ENO2: variants seen among roughly 807,000 people sequenced by gnomAD.
The protein encoded by ENO2 is gamma-enolase.
Under a neutral mutation model 48.7 loss-of-function variants are expected in ENO2, and 19 were observed. That is an observed-to-expected ratio of 0.39 (90% CI 0.27 to 0.57). ENO2 has a LOEUF of 0.57. Ranked by LOEUF, ENO2 falls within the 20% of genes least tolerant of loss-of-function variation. The pLI, the probability that ENO2 is intolerant of heterozygous loss-of-function variation, is 0.58. For missense variants in ENO2, 416 were observed against 555.0 expected, an observed-to-expected ratio of 0.75 and a Z score of 2.52; for synonymous variants, 198 against 213.4, an observed-to-expected ratio of 0.93 and a Z score of 0.63.
In ENO2 at chr12:6,915,901, T is replaced by G. The variant is rs1417304972; in HGVS notation, c.69T>G (p.Asp23Glu). Residue 23 changes from aspartate (D) to glutamate (E), a missense_variant, in exon 2 of 12, where the codon GAT (aspartate) becomes GAG (glutamate). By Grantham distance (45) the Asp-to-Glu change is conservative. Coordinates refer to ENST00000229277, the MANE Select transcript of ENO2 (RefSeq NM_001975.3). Reference protein sequence around the residue: ...DSRGNPTVEVDLYTAKGLFRA... With the variant: ...DSRGNPTVEVELYTAKGLFRA... ...GCGGGAACCCCACAGTGGAGGTGGA[T>G]CTCTATACTGCCAAAGGTAATGGGT... 1.2e-6 allele frequency: 2 copies of G among 1,613,728 alleles called. No individual in the cohort carries two copies. Among genetic ancestry groups the G allele is most frequent in the East Asian group, 4.5e-5 (2 of 44,866 alleles).
rs782242921 is a variant in ENO2, at chr12:6,921,700, G to A, written c.985G>A (p.Glu329Lys). The A allele has an allele frequency of 1.2e-6, 2 of 1,614,146 alleles. No homozygotes were observed. The highest frequency in any genetic ancestry group is 2.2e-5 in the South Asian group (2 of 91,082). The change falls in exon 9 of 12, where the codon GAG becomes AAG. Residue 329 changes from glutamate to lysine, a missense_variant. Coordinates refer to ENST00000229277, the MANE Select transcript of ENO2 (RefSeq NM_001975.3). ...DLTVTNPKRI[E>K]RAVEEKACNC... ...GACAGTGACCAACCCAAAACGTATTGAGCGGGCAGTGGAAGAAAAGGCCTG... is the reference window on the plus strand; with the variant it reads ...GACAGTGACCAACCCAAAACGTATTAAGCGGGCAGTGGAAGAAAAGGCCTG...
chr12:6,918,353 AT>A (rs111900701), intron 7 of ENO2, among the ~76,000 whole-genome samples, 191 bp downstream of exon 7: 10,739 of 141,264 alleles, frequency 0.076, 808 homozygotes, highest in East Asian at 0.22. Context: ...GGGGGACAGT[AT>A]TTTTTTTTTT....
At chr12:6,919,494 T>C in intron 7 of ENO2, 72 bp from the exon 8 acceptor site, 1 of 1,550,226 alleles carries the variant, frequency 6.5e-7, no homozygotes, top group South Asian at 1.2e-5. Context: ...GCCCTGAATG[T>C]CTTTTCTTTC....
rs1394056903 is a variant in ENO2 at position 6,916,159 on chromosome 12, T to G, written c.85+242T>G. On this transcript the variant is annotated intron_variant, in intron 2 of 11. Coordinates refer to ENST00000229277, the MANE Select transcript of ENO2 (RefSeq NM_001975.3). The surrounding 1 kb of genome is among the most constrained non-coding windows in gnomAD (Gnocchi z 4.5). ...GTGTGTCTGCCTGTGCACTTGCATG[T>G]GTGCAGACGTGTGCTGCAAGCAATT... Among the ~76,000 whole-genome samples the G allele has an allele frequency of 6.6e-6, 1 of 151,872 alleles. No homozygotes were observed. The highest frequency in any genetic ancestry group is 1.5e-5 in the Non-Finnish European group (1 of 67,952).
rs1555141943 is a variant in ENO2 at position 6,919,756 on chromosome 12, C to A, written c.858C>A (p.Asp286Glu). Reference protein sequence around the residue: ...LGALYQDFVRDYPVVSIEDPF... With the variant: ...LGALYQDFVREYPVVSIEDPF... Reference sequence around the variant, plus strand: ...CACTCTACCAGGACTTTGTCAGGGACTATCCTGGTGAGAGGAAGTGGTGTG... The same window carrying A: ...CACTCTACCAGGACTTTGTCAGGGAATATCCTGGTGAGAGGAAGTGGTGTG... Residue 286 changes from aspartate to glutamate, a missense_variant, in exon 8 of 12, where the codon GAC (aspartate) becomes GAA (glutamate). Transcript: ENST00000229277. 6.2e-7 allele frequency: 1 copy of A among 1,613,560 alleles called. No individual in the cohort carries two copies. The highest frequency in any genetic ancestry group is 8.5e-7 in the Non-Finnish European group (1 of 1,180,012).
chr12:6,919,682 A>G lies in ENO2; in HGVS notation c.784A>G (p.Lys262Glu). ...TGATGGCAAATATGACTTGGACTTC[A>G]AGTCTCCCACTGATCCTTCCCGATA... ...YRDGKYDLDF[K>E]SPTDPSRYIT... The change falls in exon 8 of 12, where the codon AAG becomes GAG. Residue 262 changes from lysine to glutamate, a missense_variant. Transcript: ENST00000229277. 4.3e-6 allele frequency: 7 copies of G among 1,614,080 alleles called. No individual in the cohort carries two copies. The highest frequency in any genetic ancestry group is 5.9e-6 in the Non-Finnish European group (7 of 1,180,018).
rs1437194523 is a variant in ENO2 at position 6,922,902 on chromosome 12, G to A, written c.*102G>A. ...ACCCCCTGAGATCCCCTGAGCCCCA[G>A]GGTGCCCAGAACTTCCCTGATTGAC... On this transcript the variant is annotated 3_prime_UTR_variant, in exon 12 of 12. Coordinates refer to ENST00000229277, the MANE Select transcript of ENO2 (RefSeq NM_001975.3). This position sits in a 1 kb window ranked among gnomAD's most constrained non-coding sequence, Gnocchi z 5.3. 1.7e-5 allele frequency: 24 copies of A among 1,390,954 alleles called. No homozygotes were observed. The highest frequency in any genetic ancestry group is 2.3e-5 in the Non-Finnish European group (23 of 990,936). The allele number at this position is 1,390,954 out of a possible 1,614,324, so 86.2% of individuals were successfully genotyped here.
chr12:6,916,932 C>T lies in ENO2; in HGVS notation c.241-106C>T. 6.5e-7 allele frequency: 1 copy of T among 1,526,720 alleles called. No individual in the cohort carries two copies. Among genetic ancestry groups the T allele is most frequent in the East Asian group, 2.2e-5 (1 of 44,472 alleles). 94.6% of individuals were successfully genotyped at this position (1,526,720 alleles called of 1,614,324 possible). A position where few individuals can be genotyped will look rare whatever the true frequency, so the allele number is the denominator to read the frequency against. On this transcript the variant is annotated intron_variant, in intron 4 of 11. Transcript: ENST00000229277. This position sits in a 1 kb window ranked among gnomAD's most constrained non-coding sequence, Gnocchi z 4.5. Reference sequence around the variant, plus strand: ...CCAGGTAGGCCCCTGTCACAGGGACCTGGTTGGACCCTGGCCAAATGTGAG... The same window carrying T: ...CCAGGTAGGCCCCTGTCACAGGGACTTGGTTGGACCCTGGCCAAATGTGAG...
intron 8 of ENO2, among the ~76,000 whole-genome samples, chr12:6,920,723 T>TA (rs1555142010): frequency 7.1e-6 from 1 of 140,458 alleles, no homozygotes; most frequent in Non-Finnish European, 1.6e-5. Context: ...TTAACTTTTT[T>TA]TTTTTTTTTT....
In ENO2 at chr12:6,922,597, AG is replaced by A; in HGVS notation, c.1236-131del. The stretch of plus-strand genomic sequence containing the variant: ...ATCCCAGAGATCACATGGGAAAGCC[AG>A]GGAATGCTAAGCCTTGGGGCAGGAC... On this transcript the variant is annotated intron_variant, in intron 11 of 11. Coordinates refer to ENST00000229277, the MANE Select transcript of ENO2 (RefSeq NM_001975.3). This position sits in a 1 kb window ranked among gnomAD's most constrained non-coding sequence, Gnocchi z 5.3. 7.7e-7 allele frequency: 1 copy of A among 1,304,846 alleles called. No individual in the cohort carries two copies. The highest frequency in any genetic ancestry group is 1.1e-6 in the Non-Finnish European group (1 of 911,894). 80.8% of individuals were successfully genotyped at this position (1,304,846 alleles called of 1,614,324 possible). A position where few individuals can be genotyped will look rare whatever the true frequency, so the allele number is the denominator to read the frequency against.
At chr12:6,919,488 T>G in intron 7 of ENO2, 78 bp from the exon 8 acceptor site, 2 of 1,525,986 alleles carry the variant, frequency 1.3e-6, no homozygotes, top group South Asian at 2.4e-5. Flanking sequence ...ACCTCTGCCC[T>G]GAATGTCTTT....
In ENO2 at chr12:6,915,620, C is replaced by T. The variant is rs1591650710; in HGVS notation, c.-12-201C>T. 4 of 581,096 alleles carry T rather than the reference C, an allele frequency of 6.9e-6. No homozygotes were observed. In the East Asian group the frequency reaches 1.1e-4, roughly 17 times the overall value. 36.0% of individuals were successfully genotyped at this position (581,096 alleles called of 1,614,324 possible). A position where few individuals can be genotyped will look rare whatever the true frequency, so the allele number is the denominator to read the frequency against. ...TGCAGTGACCTCCCCTTCCTCACTG[C>T]ATTGACCTTCTCCTCTTCCCAGGGG... On this transcript the variant is annotated intron_variant, in intron 1 of 11. Coordinates refer to ENST00000229277, the MANE Select transcript of ENO2 (RefSeq NM_001975.3).
At position 6,921,794 on chromosome 12, in the gene ENO2, C is replaced by G; in HGVS notation, c.1067+12C>G. On this transcript the variant is annotated intron_variant, in intron 9 of 11. Transcript: ENST00000229277. ...GAAGCCATCCAAGCGTGAGTGACTT[C>G]TGGCCCTCTCCTGTGTGGTCCTCGT... 3 of 1,613,700 alleles carry G rather than the reference C, an allele frequency of 1.9e-6. No homozygotes were observed. The highest frequency in any genetic ancestry group is 2.5e-6 in the Non-Finnish European group (3 of 1,179,774).
chr12:6,919,040 T>A (rs1351666911), intron 7 of ENO2, among the ~76,000 whole-genome samples: 12 of 160 alleles, frequency 0.075, no homozygotes, highest in Non-Finnish European at 0.17. Context: ...TGGGAGATGG[T>A]CTGGATGACT....
At position 6,916,074 on chromosome 12, in the gene ENO2, G is replaced by T. The variant is rs1211202485; in HGVS notation, c.85+157G>T. On this transcript the variant is annotated intron_variant, in intron 2 of 11. Coordinates refer to ENST00000229277, the MANE Select transcript of ENO2 (RefSeq NM_001975.3). The surrounding 1 kb of genome is among the most constrained non-coding windows in gnomAD (Gnocchi z 4.5). ...TGTGGCGGTTGGATCCTCCTTGTCC[G>T]GGGAGCCAGGGTAGGTGGGTCTGTG... Among the ~76,000 whole-genome samples, 1 of 152,150 alleles carries T rather than the reference G, an allele frequency of 6.6e-6. No individual in the cohort carries two copies. Among genetic ancestry groups the T allele is most frequent in the Admixed American group, 6.5e-5 (1 of 15,286 alleles).
In ENO2 at chr12:6,923,082, A is replaced by G; in HGVS notation, c.*282A>G. 2.5e-6 allele frequency: 1 copy of G among 404,158 alleles called. No individual in the cohort carries two copies. Among genetic ancestry groups the G allele is most frequent in the Admixed American group, 3.7e-5 (1 of 27,264 alleles). The allele number at this position is 404,158 out of a possible 1,614,324, so 25.0% of individuals were successfully genotyped here. On this transcript the variant is annotated 3_prime_UTR_variant, in exon 12 of 12. Coordinates refer to ENST00000229277, the MANE Select transcript of ENO2 (RefSeq NM_001975.3). ...AAATGTGAATGAGGATTATTATAAAAGGGGGTCCGTGGAAGAATGATCAGC... is the reference window on the plus strand; with the variant it reads ...AAATGTGAATGAGGATTATTATAAAGGGGGGTCCGTGGAAGAATGATCAGC...
In ENO2 at chr12:6,915,849, T is replaced by A. The variant is rs1555141542; in HGVS notation, c.17T>A (p.Ile6Asn). MSIEK[I>N]WAREILDSRG... Reference sequence around the variant, plus strand: ...CCAGCCATCATGTCCATAGAGAAGATCTGGGCCCGGGAGATCCTGGACTCC... The same window carrying A: ...CCAGCCATCATGTCCATAGAGAAGAACTGGGCCCGGGAGATCCTGGACTCC... The change falls in exon 2 of 12, where the codon ATC becomes AAC. Residue 6 changes from isoleucine (I) to asparagine (N), a missense_variant. Ile to Asn is a moderately radical substitution (Grantham distance 149). Transcript: ENST00000229277. 6.2e-7 allele frequency: 1 copy of A among 1,613,542 alleles called. No individual in the cohort carries two copies. Among genetic ancestry groups the A allele is most frequent in the Non-Finnish European group, 8.5e-7 (1 of 1,179,846 alleles).
intron 1 of ENO2, chr12:6,915,320 G>C (rs1005611430): frequency 5.9e-6 from 1 of 168,244 alleles, no homozygotes; most frequent in Non-Finnish European, 1.3e-5. Context: ...ACACGTTTGG[G>C]AGAGAGTGGG....
In ENO2 at chr12:6,916,884, C is replaced by T; in HGVS notation, c.241-154C>T. ...CAGCTTCCTTAATGCACCCTGCTCCCATGGGAGTTCAGGTCCCCTAATCCA... is the reference window on the plus strand; with the variant it reads ...CAGCTTCCTTAATGCACCCTGCTCCTATGGGAGTTCAGGTCCCCTAATCCA... On this transcript the variant is annotated intron_variant, in intron 4 of 11. Transcript: ENST00000229277. This position sits in a 1 kb window ranked among gnomAD's most constrained non-coding sequence, Gnocchi z 4.5. 7.2e-7 allele frequency: 1 copy of T among 1,379,810 alleles called. No homozygotes were observed. Among genetic ancestry groups the T allele is most frequent in the East Asian group, 2.3e-5 (1 of 43,160 alleles). The allele number at this position is 1,379,810 out of a possible 1,614,324, so 85.5% of individuals were successfully genotyped here.
Sources: gnomAD v4.1 joint callset for allele counts (sites outside exome capture counted in the v4.1 genomes callset) on GRCh38, gnomAD v4.1.1 for gene constraint, Gnocchi (gnomAD v3.1) non-coding constraint, MANE v1.5 for transcripts, NCBI Gene and HGNC (gene_info 2026-07-23, HGNC 2026-07-21) for gene names.